Variants in ARK2N observed in about 807,000 individuals in gnomAD.
ARK2N encodes the protein protein ARK2N.
the ARK2N span, among the ~76,000 whole-genome samples, chr18:46,178,032 C>T: frequency 6.6e-6 from 1 of 152,228 alleles, no homozygotes; most frequent in Admixed American, 6.5e-5. Context: ...CCACCTGGTG[C>T]TTAAGGAGCT....
chr18:46,210,989 A>T, the ARK2N span, among the ~76,000 whole-genome samples: 1 of 152,070 alleles, frequency 6.6e-6, no homozygotes, highest in African/African-American at 2.4e-5. Context: ...GATTTGGTAG[A>T]GGAAGTTAAG....
At chr18:46,186,645 C>G in the ARK2N span, among the ~76,000 whole-genome samples, 2 of 151,458 alleles carry the variant, frequency 1.3e-5, no homozygotes, top group African/African-American at 2.4e-5. Context: ...GCTGAGACTA[C>G]AGGCGCCCGC....
chr18:46,189,466 T>G, the ARK2N span, among the ~76,000 whole-genome samples: 2 of 152,232 alleles, frequency 1.3e-5, no homozygotes, highest in Non-Finnish European at 2.9e-5. Context: ...TTAAAAAAAA[T>G]TATTTAAAGA....
chr18:46,259,443 C>A, the ARK2N span, among the ~76,000 whole-genome samples: 1 of 151,850 alleles, frequency 6.6e-6, no homozygotes, highest in African/African-American at 2.4e-5. Context: ...GGGGTTTCAC[C>A]GTGTTACCCA....
At chr18:46,225,467 G>GT in the ARK2N span, among the ~76,000 whole-genome samples, 5,012 of 151,438 alleles carry the variant, frequency 0.033, 264 homozygotes, top group African/African-American at 0.11. Context: ...TGATGTTGCT[G>GT]TTTTTTTTTG....
the ARK2N span, among the ~76,000 whole-genome samples, chr18:46,238,395 A>G: frequency 2.6e-5 from 4 of 152,244 alleles, no homozygotes; most frequent in African/African-American, 9.6e-5. Flanking sequence ...TTCCATAATA[A>G]TCATTTTGAA....
chr18:46,222,570 T>C, the ARK2N span, among the ~76,000 whole-genome samples: 3 of 152,228 alleles, frequency 2.0e-5, no homozygotes, highest in African/African-American at 7.2e-5. Context: ...CCTGCTTATT[T>C]TCTGAAGTGA....
chr18:46,243,011 C>G, the ARK2N span, among the ~76,000 whole-genome samples: 1 of 152,136 alleles, frequency 6.6e-6, no homozygotes, highest in African/African-American at 2.4e-5. Context: ...TTCTGTATAT[C>G]ATAGGATGCA....
the ARK2N span, among the ~76,000 whole-genome samples, chr18:46,210,071 C>G: frequency 6.6e-6 from 1 of 152,172 alleles, no homozygotes; most frequent in Non-Finnish European, 1.5e-5. Flanking sequence ...AATACTTTCT[C>G]TCATAAAGAG....
the ARK2N span, among the ~76,000 whole-genome samples, chr18:46,181,106 A>G: frequency 4.0e-5 from 6 of 151,684 alleles, no homozygotes; most frequent in South Asian, 4.2e-4. Context: ...CTAAAAATAC[A>G]AAAATCAGAT....
the ARK2N span, chr18:46,253,885 C>A: frequency 2.0e-6 from 3 of 1,504,466 alleles, no homozygotes; most frequent in Admixed American, 2.1e-5. Context: ...AACCAGAAAA[C>A]AAGTTAAAAG....
At chr18:46,190,861 A>G in the ARK2N span, among the ~76,000 whole-genome samples, 1 of 152,188 alleles carries the variant, frequency 6.6e-6, no homozygotes, top group Non-Finnish European at 1.5e-5. Context: ...TCTGTATGCT[A>G]TGACCCTAGC....
At chr18:46,246,123 GA>G in the ARK2N span, among the ~76,000 whole-genome samples, 1 of 152,104 alleles carries the variant, frequency 6.6e-6, no homozygotes, top group South Asian at 2.1e-4. Context: ...CTTAGAACTG[GA>G]AAAGATTACT....
chr18:46,221,664 C>A, the ARK2N span, among the ~76,000 whole-genome samples: 1,524 of 151,020 alleles, frequency 0.01, 26 homozygotes, highest in African/African-American at 0.035. Context: ...TGTTCATATT[C>A]TTTGCACATT....
the ARK2N span, among the ~76,000 whole-genome samples, chr18:46,180,986 G>A: frequency 1.6e-4 from 24 of 152,206 alleles, no homozygotes; most frequent in East Asian, 2.5e-3. Context: ...TTTGGGCTGG[G>A]CATGGTAACT....
chr18:46,231,305 G>C, the ARK2N span, among the ~76,000 whole-genome samples: 1 of 152,148 alleles, frequency 6.6e-6, no homozygotes, highest in Admixed American at 6.5e-5. Context: ...TGGTTTCAGG[G>C]ATGTGTGTAT....
At chr18:46,228,150 ATGAC>A in the ARK2N span, among the ~76,000 whole-genome samples, 1 of 152,164 alleles carries the variant, frequency 6.6e-6, no homozygotes, top group East Asian at 1.9e-4. Context: ...TTGGTTTTGG[ATGAC>A]TGACTGAATT....
the ARK2N span, among the ~76,000 whole-genome samples, chr18:46,246,108 C>T: frequency 6.6e-6 from 1 of 152,098 alleles, no homozygotes; most frequent in African/African-American, 2.4e-5. Flanking sequence ...AGGGCTTGTT[C>T]TTGTCTTAGA....
chr18:46,258,139 T>G, the ARK2N span, among the ~76,000 whole-genome samples: 1 of 152,162 alleles, frequency 6.6e-6, no homozygotes, highest in Non-Finnish European at 1.5e-5. Context: ...TTGCCCCGGC[T>G]GGTCGCGAAC....
Sources: allele counts gnomAD v4.1 joint callset (sites outside exome capture counted in the v4.1 genomes callset), GRCh38; gene constraint gnomAD v4.1.1; transcripts MANE v1.5; gene names NCBI Gene and HGNC (gene_info 2026-07-23, HGNC 2026-07-21).